CHODL: variants seen among roughly 807,000 people sequenced by gnomAD.
CHODL encodes the protein chondrolectin.
A neutral mutation model predicts 34.5 loss-of-function variants in CHODL; 29 were observed. The observed-to-expected ratio is 0.84, with a 90% CI of 0.63 to 1.15. CHODL has a LOEUF of 1.15. Ranked by LOEUF, CHODL falls within the 50% of genes most tolerant of loss-of-function variation. The pLI, the probability that CHODL is intolerant of heterozygous loss-of-function variation, is 0.00. For missense variants in CHODL, 332 were observed against 332.5 expected, an observed-to-expected ratio of 1.00 and a Z score of 0.01; for synonymous variants, 125 against 116.1, an observed-to-expected ratio of 1.08 and a Z score of -0.49.
chr21:18,093,373 G>A (rs2065097541), intron 2 of CHODL, among the ~76,000 whole-genome samples: 1 of 152,064 alleles, frequency 6.6e-6, no homozygotes, highest in African/African-American at 2.4e-5. Flanking sequence ...GAATGATAAT[G>A]AGTAAGAAGA....
At chr21:17,973,879 TCTC>T (rs1369805256) in intron 1 of CHODL, among the ~76,000 whole-genome samples, 15 of 152,150 alleles carry the variant, frequency 9.9e-5, no homozygotes, top group Non-Finnish European at 2.1e-4. Context: ...TTTATGCTCT[TCTC>T]CTTCTCTTCC....
intron 2 of CHODL, among the ~76,000 whole-genome samples, chr21:18,079,362 A>G (rs958435078): frequency 6.7e-6 from 1 of 149,582 alleles, no homozygotes; most frequent in Non-Finnish European, 1.5e-5. Context: ...ATAGAATATT[A>G]TATATATATC....
chr21:17,971,659 T>C (rs946014938), intron 1 of CHODL, among the ~76,000 whole-genome samples: 1 of 152,056 alleles, frequency 6.6e-6, no homozygotes, highest in African/African-American at 2.4e-5. Context: ...AGGCAGTAAT[T>C]AATAGCCTAC....
chr21:18,107,850 G>T (rs1294979924), intron 2 of CHODL, among the ~76,000 whole-genome samples: 1 of 152,184 alleles, frequency 6.6e-6, no homozygotes, highest in Non-Finnish European at 1.5e-5. Context: ...TATGTGTGTG[G>T]ATGTAAGACT....
At chr21:18,079,466 A>G (rs1600974841) in intron 2 of CHODL, among the ~76,000 whole-genome samples, 1 of 148,724 alleles carries the variant, frequency 6.7e-6, no homozygotes, top group East Asian at 1.9e-4. Context: ...TTATATATAT[A>G]TCACATATAT....
chr21:18,001,414 C>T (rs918912830), intron 1 of CHODL, among the ~76,000 whole-genome samples: 3 of 152,182 alleles, frequency 2.0e-5, no homozygotes, highest in Admixed American at 2.0e-4. Context: ...AAAGGGCCCA[C>T]AGGGCTCTAG....
At chr21:18,251,588 T>A (rs1459903692) in intron 1 of CHODL, among the ~76,000 whole-genome samples, 9 of 3,292 alleles carry the variant, frequency 2.7e-3, no homozygotes, top group African/African-American at 5.1e-3. Flanking sequence ...ATATAAAATA[T>A]TTATTTTATT....
At chr21:18,153,284 T>G (rs905578599) in intron 2 of CHODL, among the ~76,000 whole-genome samples, 2 of 152,168 alleles carry the variant, frequency 1.3e-5, no homozygotes, top group African/African-American at 2.4e-5. Flanking sequence ...ATTCAGAATG[T>G]TGGCAGGATT....
chr21:17,934,193 A>G (rs1694710666), intron 1 of CHODL, among the ~76,000 whole-genome samples: 1 of 151,942 alleles, frequency 6.6e-6, no homozygotes, highest in Non-Finnish European at 1.5e-5. Flanking sequence ...CAATATATCC[A>G]TGTAGCAAAC....
intron 2 of CHODL, among the ~76,000 whole-genome samples, chr21:18,143,863 A>G (rs926307167): frequency 5.9e-5 from 9 of 152,128 alleles, no homozygotes; most frequent in Admixed American, 3.3e-4. Context: ...CTATCCTTTT[A>G]TAAAATTATA....
intron 1 of CHODL, among the ~76,000 whole-genome samples, chr21:17,984,538 G>T (rs1303793376): frequency 6.6e-6 from 1 of 151,686 alleles, no homozygotes; most frequent in East Asian, 1.9e-4. Context: ...CTAGTTTGGT[G>T]TTTGTCTTTT....
chr21:17,998,042 A>G (rs866080697), intron 1 of CHODL, among the ~76,000 whole-genome samples: 1 of 152,224 alleles, frequency 6.6e-6, no homozygotes, highest in Non-Finnish European at 1.5e-5. Context: ...CCTTCCACCT[A>G]TGAGCCTATC....
intron 1 of CHODL, among the ~76,000 whole-genome samples, chr21:17,968,331 G>A (rs2063588638): frequency 6.6e-6 from 1 of 152,118 alleles, no homozygotes; most frequent in Non-Finnish European, 1.5e-5. Flanking sequence ...ATTATTTACT[G>A]TTTTCCCTCT....
chr21:17,943,257 T>G (rs977856223), intron 1 of CHODL, among the ~76,000 whole-genome samples: 2 of 152,128 alleles, frequency 1.3e-5, no homozygotes, highest in African/African-American at 4.8e-5. Flanking sequence ...AAAAGAATAA[T>G]TTAGGTTTTC....
intron 1 of CHODL, among the ~76,000 whole-genome samples, chr21:17,994,354 A>C (rs2063827434): frequency 6.6e-6 from 1 of 152,122 alleles, no homozygotes; most frequent in African/African-American, 2.4e-5. Flanking sequence ...CAGTAATGGC[A>C]GTAGAGGGAG....
intron 2 of CHODL, among the ~76,000 whole-genome samples, chr21:18,084,397 A>G (rs2064978213): frequency 6.6e-6 from 1 of 152,158 alleles, no homozygotes; most frequent in Admixed American, 6.5e-5. Flanking sequence ...TGACGTAGGT[A>G]TTTAATGCTA....
At chr21:18,043,676 AG>A (rs1414038077) in intron 2 of CHODL, among the ~76,000 whole-genome samples, 2 of 151,980 alleles carry the variant, frequency 1.3e-5, no homozygotes, top group African/African-American at 2.4e-5. Context: ...TTACCCACCT[AG>A]GCTGAAAATG....
intron 1 of CHODL, among the ~76,000 whole-genome samples, chr21:17,990,917 C>T (rs1002350318): frequency 2.0e-5 from 3 of 152,086 alleles, no homozygotes; most frequent in Non-Finnish European, 2.9e-5. Context: ...CTTATTCCTT[C>T]TATCTAATGA....
chr21:18,199,555 G>C (rs564822335), intron 2 of CHODL, among the ~76,000 whole-genome samples: 8 of 151,928 alleles, frequency 5.3e-5, no homozygotes, highest in Non-Finnish European at 8.8e-5. Flanking sequence ...TGAATGTATA[G>C]TGTCATATAT....
Sources: gnomAD v4.1 joint callset for allele counts (sites outside exome capture counted in the v4.1 genomes callset) on GRCh38, gnomAD v4.1.1 for gene constraint, MANE v1.5 for transcripts, NCBI Gene and HGNC (gene_info 2026-07-23, HGNC 2026-07-21) for gene names.